Variants in ATP8B4 observed in about 807,000 individuals in gnomAD.
ATP8B4 encodes ATPase phospholipid transporting 8B4 (putative), also known as probable phospholipid-transporting ATPase IM.
ATP8B4 carries 133 observed loss-of-function variants against 145.6 expected under a neutral mutation model. The observed-to-expected ratio is 0.91, with a 90% CI of 0.79 to 1.05. The LOEUF is 1.05. Among genes scored for constraint, ATP8B4 ranks in the 50% least tolerant of loss-of-function variants. The pLI, the probability that ATP8B4 is intolerant of heterozygous loss-of-function variation, is 0.00. For missense variants in ATP8B4, 1,458 were observed against 1,425.2 expected, an observed-to-expected ratio of 1.02 and a Z score of -0.37; for synonymous variants, 507 against 492.9, an observed-to-expected ratio of 1.03 and a Z score of -0.38.
At chr15:50,139,931 T>C (rs2044184102) in intron 1 of ATP8B4, among the ~76,000 whole-genome samples, 1 of 152,126 alleles carries the variant, frequency 6.6e-6, no homozygotes, top group African/African-American at 2.4e-5. Flanking sequence ...GTGAATACCA[T>C]ATGTTCTCAC....
intron 19 of ATP8B4, chr15:49,917,300 G>C (rs1474141968): frequency 2.5e-6 from 1 of 393,858 alleles, no homozygotes; most frequent in South Asian, 6.5e-5. Flanking sequence ...CTAGTTTTCA[G>C]AAAAACCTTT....
At chr15:50,007,637 T>C (rs1050202563) in intron 7 of ATP8B4, among the ~76,000 whole-genome samples, 1 of 152,182 alleles carries the variant, frequency 6.6e-6, no homozygotes, top group African/African-American at 2.4e-5. Flanking sequence ...TTTCATGACC[T>C]TCATGACCTG....
At chr15:49,933,777 T>G (rs28640908) in intron 15 of ATP8B4, among the ~76,000 whole-genome samples, 24,171 of 152,040 alleles carry the variant, frequency 0.16, 3,239 homozygotes, top group African/African-American at 0.37. Flanking sequence ...TGTCCTTGTT[T>G]CTTTTCTTTT....
intron 1 of ATP8B4, among the ~76,000 whole-genome samples, chr15:50,159,401 C>A (rs2044481932): frequency 6.6e-6 from 1 of 152,144 alleles, no homozygotes; most frequent in Non-Finnish European, 1.5e-5. Context: ...TTAGCCGAGT[C>A]TTTAGGTTTT....
At position 50,086,768 on chromosome 15, in the gene ATP8B4, ATAT is replaced by A. The variant is rs1490133112; in HGVS notation, c.29-12586_29-12584del. Among the ~76,000 whole-genome samples the A allele has an allele frequency of 2.4e-4, 12 of 50,722 alleles. 2 individuals are homozygous for A. The highest frequency in any genetic ancestry group is 3.2e-4 in the Non-Finnish European group (11 of 34,890). The allele number at this position is 50,722 out of a possible 152,430, so 33.3% of individuals were successfully genotyped here. On this transcript the variant is annotated intron_variant, in intron 2 of 27. Transcript: ENST00000284509. ...ATTATATATAAAATAATAGAGATCT[ATAT>A]TATTATATATAATAAAATAATATAG...
intron 3 of ATP8B4, among the ~76,000 whole-genome samples, chr15:50,068,603 C>A (rs2053536810): frequency 2.0e-5 from 3 of 152,134 alleles, no homozygotes; most frequent in African/African-American, 7.2e-5. Flanking sequence ...TAAAAACTGC[C>A]TACCTACCTT....
At chr15:49,914,589 G>GTAAT (rs780487921) in intron 20 of ATP8B4, among the ~76,000 whole-genome samples, 8 of 152,034 alleles carry the variant, frequency 5.3e-5, no homozygotes, top group Non-Finnish European at 1.0e-4. Flanking sequence ...TAACAAGGGA[G>GTAAT]TAATATCTGG....
At chr15:50,058,752 C>G (rs192214616) in intron 3 of ATP8B4, among the ~76,000 whole-genome samples, 6 of 152,254 alleles carry the variant, frequency 3.9e-5, no homozygotes, top group Admixed American at 3.9e-4. Flanking sequence ...TCTCCTGCAA[C>G]AGTCCTAGCC....
At chr15:50,140,082 G>A (rs1300688388) in intron 1 of ATP8B4, among the ~76,000 whole-genome samples, 1 of 151,894 alleles carries the variant, frequency 6.6e-6, no homozygotes, top group Non-Finnish European at 1.5e-5. Flanking sequence ...GCACTATTTG[G>A]GTGACAGGTG....
At chr15:49,872,577 A>G (rs2153387744) in intron 25 of ATP8B4, among the ~76,000 whole-genome samples, 1 of 152,328 alleles carries the variant, frequency 6.6e-6, no homozygotes, top group Admixed American at 6.5e-5. Flanking sequence ...ACAAGAACAC[A>G]TCACTCTTTG....
chr15:50,179,507 T>C (rs903649263), intron 1 of ATP8B4, among the ~76,000 whole-genome samples: 2 of 152,182 alleles, frequency 1.3e-5, no homozygotes, highest in African/African-American at 4.8e-5. Flanking sequence ...GCAGTGGAGA[T>C]ATAAGATGGC....
chr15:50,175,000 A>C (rs970257294), intron 1 of ATP8B4, among the ~76,000 whole-genome samples: 1 of 152,216 alleles, frequency 6.6e-6, no homozygotes, highest in African/African-American at 2.4e-5. Flanking sequence ...AAATATTTAC[A>C]GCCAACTCAT....
intron 2 of ATP8B4, among the ~76,000 whole-genome samples, chr15:50,077,086 G>A (rs1446374012): frequency 6.6e-6 from 1 of 152,180 alleles, no homozygotes; most frequent in East Asian, 1.9e-4. Context: ...CCATATGTAA[G>A]AGGAATGAAA....
intron 14 of ATP8B4, among the ~76,000 whole-genome samples, chr15:49,950,173 A>T (rs1199243333): frequency 1.3e-5 from 2 of 152,196 alleles, no homozygotes; most frequent in Non-Finnish European, 2.9e-5. Flanking sequence ...TGCTGGCTTC[A>T]TAAAATGAGT....
intron 14 of ATP8B4, among the ~76,000 whole-genome samples, chr15:49,960,762 C>T (rs191686917): frequency 7.2e-5 from 11 of 152,230 alleles, no homozygotes; most frequent in African/African-American, 2.6e-4. Flanking sequence ...CAGACAAATA[C>T]TTATTTTCCC....
In ATP8B4 at chr15:49,898,173, C is replaced by A; in HGVS notation, c.2368G>T (p.Val790Phe). The A allele has an allele frequency of 6.2e-7, 1 of 1,613,832 alleles. No individual in the cohort carries two copies. The highest frequency in any genetic ancestry group is 8.5e-7 in the Non-Finnish European group (1 of 1,179,868). The change falls in exon 22 of 28, where the codon GTC (valine) becomes TTC (phenylalanine). Residue 790 changes from valine to phenylalanine, a missense_variant. By Grantham distance (50) the Val-to-Phe change is conservative. Coordinates refer to ENST00000284509, the MANE Select transcript of ATP8B4 (RefSeq NM_024837.4). Reference sequence around the variant, plus strand: ...ACTTGGGCTTTCTGGAGTGGAGTGACCCTGCAGCAAATTACAGTCTTACAC... The same window carrying A: ...ACTTGGGCTTTCTGGAGTGGAGTGAACCTGCAGCAAATTACAGTCTTACAC... ...CMCKTVICCR[V>F]TPLQKAQVVE... is the part of the protein sequence containing the mutation.
At position 50,106,150 on chromosome 15, in the gene ATP8B4, G is replaced by A. The variant is rs541771838; in HGVS notation, c.28+789C>T. On this transcript the variant is annotated intron_variant, in intron 2 of 27. Coordinates refer to ENST00000284509, the MANE Select transcript of ATP8B4 (RefSeq NM_024837.4). ...AGAAGTAGGTTAACCACCTATCAGG[G>A]ACGATATTGGAAGGAAGGACAGGGC... Among the ~76,000 whole-genome samples, 2 of 152,256 alleles carry A rather than the reference G, an allele frequency of 1.3e-5. 1 individual carries two copies. The highest frequency in any genetic ancestry group is 4.1e-4 in the South Asian group (2 of 4,828).
At chr15:49,940,998 A>G (rs921392644) in intron 14 of ATP8B4, among the ~76,000 whole-genome samples, 3 of 152,194 alleles carry the variant, frequency 2.0e-5, no homozygotes, top group Admixed American at 6.6e-5. Context: ...CTATATTTTT[A>G]GGGAAATTAA....
intron 19 of ATP8B4, among the ~76,000 whole-genome samples, chr15:49,918,256 G>T (rs560734803): frequency 1.7e-4 from 26 of 152,324 alleles, no homozygotes; most frequent in African/African-American, 6.3e-4. Context: ...AAGCCTGAAG[G>T]TCAATGAATT....
Sources: allele counts gnomAD v4.1 joint callset (sites outside exome capture counted in the v4.1 genomes callset), GRCh38; gene constraint gnomAD v4.1.1; transcripts MANE v1.5; gene names NCBI Gene and HGNC (gene_info 2026-07-23, HGNC 2026-07-21).